NF1: variants seen among roughly 807,000 people sequenced by gnomAD.
The protein encoded by NF1 is neurofibromin 1.
A neutral mutation model predicts 325.7 loss-of-function variants in NF1; 122 were observed. The observed-to-expected ratio is 0.37, with a 90% CI of 0.32 to 0.44. The LOEUF (loss-of-function observed/expected upper bound fraction) is 0.44, where lower values mean the gene tolerates loss of function less well. NF1 is among the 20% of genes least tolerant of loss of function. NF1 has a pLI of 1.00. For synonymous variants in NF1, 1,091 were observed against 1,186.0 expected (o/e 0.92, Z 1.65); for missense variants, 2,140 against 3,415.4 (o/e 0.63, Z 9.31).
In NF1 at chr17:31,279,589, TA is replaced by T. The variant is rs774250064; in HGVS notation, c.4835+14266del. 7.4e-3 allele frequency among the ~76,000 whole-genome samples: 1,008 copies of T among 135,800 alleles called. 1 individual carries two copies. The highest frequency in any genetic ancestry group is 9.5e-3 in the African/African-American group (350 of 36,938). The allele number at this position is 135,800 out of a possible 152,430, so 89.1% of individuals were successfully genotyped here. A position where few individuals can be genotyped will look rare whatever the true frequency, so the allele number is the denominator to read the frequency against. On this transcript the variant is annotated intron_variant, in intron 36 of 57. Coordinates refer to ENST00000358273, the MANE Select transcript of NF1 (RefSeq NM_001042492.3). ...CAACAAAGGAGAATTCCAGCCTCTTTAAAAAAAAAAAAAAAAGGAAGAAACT... is the reference window on the plus strand; with the variant it reads ...CAACAAAGGAGAATTCCAGCCTCTTTAAAAAAAAAAAAAAAGGAAGAAACT...
In NF1 at chr17:31,249,001, G is replaced by A. The variant is rs1567858266; in HGVS notation, c.3992G>A (p.Ser1331Asn). The A allele has an allele frequency of 6.2e-7, 1 of 1,614,054 alleles. No individual in the cohort carries two copies. The highest frequency in any genetic ancestry group is 8.5e-7 in the Non-Finnish European group (1 of 1,179,994). ...TTTTGTAGGTTAGAACCATCAGAGA[G>A]CCTTGAGGAAAACCAGCGGAACCTC... ...VDPTRLEPSE[S>N]LEENQRNLLQ... The change falls in exon 30 of 58, where the codon AGC (serine) becomes AAC (asparagine). Residue 1331 changes from serine to asparagine, a missense_variant. By Grantham distance (46) the Ser-to-Asn change is conservative. Around this residue, in one of 10 missense-constraint regions of NF1, gnomAD observed 336 missense variants for 399.0 expected, o/e 0.84. Transcript: ENST00000358273.
intron 1 of NF1, among the ~76,000 whole-genome samples, chr17:31,127,115 C>T (rs1914948779): frequency 6.6e-6 from 1 of 152,076 alleles, no homozygotes; most frequent in African/African-American, 2.4e-5. Context: ...TATGCACAGG[C>T]TCAGTTTCTA....
At chr17:31,226,224 T>G (rs1341563875) in intron 17 of NF1, among the ~76,000 whole-genome samples, 1 of 152,116 alleles carries the variant, frequency 6.6e-6, no homozygotes, top group African/African-American at 2.4e-5. Context: ...TTGGTCCAGA[T>G]AATCTCATTT....
At chr17:31,264,620 G>A (rs1168640395) in intron 35 of NF1, among the ~76,000 whole-genome samples, 1 of 152,144 alleles carries the variant, frequency 6.6e-6, no homozygotes, top group Non-Finnish European at 1.5e-5. Flanking sequence ...AAAGGCTAAT[G>A]GATGTATGTT....
At chr17:31,280,263 C>T (rs969369130) in intron 36 of NF1, among the ~76,000 whole-genome samples, 3 of 150,602 alleles carry the variant, frequency 2.0e-5, no homozygotes, top group African/African-American at 7.3e-5. Context: ...CCTGTAATTG[C>T]AGCACTTTGG....
At position 31,235,613 on chromosome 17, in the gene NF1, T is replaced by G. The variant is rs876659917; in HGVS notation, c.3711T>G (p.Asp1237Glu). The G allele has an allele frequency of 6.2e-7, 1 of 1,614,074 alleles. No individual in the cohort carries two copies. Among genetic ancestry groups the G allele is most frequent in the Non-Finnish European group, 8.5e-7 (1 of 1,180,004 alleles). ...LANVVPCSQW[D>E]ELARVLVTLF... Reference sequence around the variant, plus strand: ...ACCTGATTTTGTTTTGTTCTCAGGATGAACTAGCTCGAGTTCTGGTTACTC... The same window carrying G: ...ACCTGATTTTGTTTTGTTCTCAGGAGGAACTAGCTCGAGTTCTGGTTACTC... The change falls in exon 28 of 58, where the codon GAT becomes GAG. Residue 1237 changes from aspartate (D) to glutamate (E), a missense_variant and splice_region_variant. Around this residue, in one of 10 missense-constraint regions of NF1, gnomAD observed 336 missense variants for 399.0 expected, o/e 0.84. Transcript: ENST00000358273.
chr17:31,142,370 C>G (rs1916281063), intron 1 of NF1, among the ~76,000 whole-genome samples: 1 of 152,070 alleles, frequency 6.6e-6, no homozygotes, highest in Non-Finnish European at 1.5e-5. Flanking sequence ...AAGAGAAACT[C>G]ATAAAAGTAA....
In NF1 at chr17:31,131,581, T is replaced by C. The variant is rs1236139686; in HGVS notation, c.61-24402T>C. Among the ~76,000 whole-genome samples the C allele has an allele frequency of 2.6e-5, 4 of 152,238 alleles. No individual in the cohort carries two copies. In the East Asian group the frequency reaches 7.7e-4, roughly 29 times the overall value. Reference sequence around the variant, plus strand: ...AGATGTTCCTACTGGCTGCAGCTAGTTGGCCATCTTGGAGCCCCCTCCCTG... The same window carrying C: ...AGATGTTCCTACTGGCTGCAGCTAGCTGGCCATCTTGGAGCCCCCTCCCTG... On this transcript the variant is annotated intron_variant, in intron 1 of 57. Transcript: ENST00000358273.
intron 14 of NF1, 44 bp downstream of exon 14, chr17:31,219,162 A>G (rs2066879544): frequency 6.4e-7 from 1 of 1,573,016 alleles, no homozygotes; most frequent in African/African-American, 1.3e-5. Flanking sequence ...AAAGATTGTA[A>G]CTATGTACAT....
At chr17:31,345,045 C>A (rs1245622404) in intron 48 of NF1, among the ~76,000 whole-genome samples, 1 of 152,168 alleles carries the variant, frequency 6.6e-6, no homozygotes, top group African/African-American at 2.4e-5. Context: ...ATCGCTTGAA[C>A]CTGGGAGGCA....
intron 36 of NF1, chr17:31,297,377 A>G (rs2068488748): frequency 1.3e-5 from 2 of 152,202 alleles, no homozygotes; most frequent in African/African-American, 4.8e-5. Flanking sequence ...AGAGGTGCAC[A>G]CGCAACAAAA....
At chr17:31,121,281 A>G (rs751086837) in intron 1 of NF1, among the ~76,000 whole-genome samples, 1 of 152,246 alleles carries the variant, frequency 6.6e-6, no homozygotes, top group South Asian at 2.1e-4. Context: ...ATTCTGCCAT[A>G]TAAGACCAGT....
rs377154427 is a variant in NF1 at position 31,283,426 on chromosome 17, A to AC, written c.4835+18087_4835+18088insC. Among the ~76,000 whole-genome samples, 1,098 of 149,824 alleles carry AC rather than the reference A, an allele frequency of 7.3e-3. 16 individuals are homozygous for AC. The highest frequency in any genetic ancestry group is 0.026 in the African/African-American group (1,052 of 40,358). On this transcript the variant is annotated intron_variant, in intron 36 of 57. Coordinates refer to ENST00000358273, the MANE Select transcript of NF1 (RefSeq NM_001042492.3). Reference sequence around the variant, plus strand: ...AGTGAGACTCCATCTCAAAAAAACAAACAAAAAAAAACACTAATTACCAGT... The same window carrying AC: ...AGTGAGACTCCATCTCAAAAAAACAACACAAAAAAAAACACTAATTACCAGT...
rs2151544379 is a variant in NF1, at chr17:31,330,291, C to T, written c.5610-5C>T. On this transcript the variant is annotated splice_region_variant and splice_polypyrimidine_tract_variant and intron_variant, in intron 38 of 57. Transcript: ENST00000358273. ...TAAAACAACTTCATTTGTGTTTTCT[C>T]CTAGGTCAGCTGCCTATAATCTTCT... 1 of 1,613,758 alleles carries T rather than the reference C, an allele frequency of 6.2e-7. No individual in the cohort carries two copies. The highest frequency in any genetic ancestry group is 8.5e-7 in the Non-Finnish European group (1 of 1,179,712).
rs2143915153 is a variant in NF1 at position 31,206,347 on chromosome 17, A to G, written c.1368A>G (p.Ala456=). 6.2e-7 allele frequency: 1 copy of G among 1,613,828 alleles called. No homozygotes were observed. The highest frequency in any genetic ancestry group is 8.5e-7 in the Non-Finnish European group (1 of 1,179,750). ...ATAAAGCAGTGCAAGGTTGTGGAGCACACCCAGCAATACGAATGGCACCGG... is the reference window on the plus strand; with the variant it reads ...ATAAAGCAGTGCAAGGTTGTGGAGCGCACCCAGCAATACGAATGGCACCGG... ...TLHKAVQGCG[A]HPAIRMAPSL... Residue 456 remains alanine, a synonymous_variant, in exon 12 of 58, where the codon GCA becomes GCG. Coordinates refer to ENST00000358273, the MANE Select transcript of NF1 (RefSeq NM_001042492.3).
In NF1 at chr17:31,144,715, A is replaced by G. The variant is rs547679852; in HGVS notation, c.61-11268A>G. 4.6e-5 allele frequency among the ~76,000 whole-genome samples: 7 copies of G among 152,278 alleles called. No individual in the cohort carries two copies. The East Asian group carries it at 1.4e-3, about 29-fold the overall frequency. On this transcript the variant is annotated intron_variant, in intron 1 of 57. Transcript: ENST00000358273. ...GAGTAGTCCCATTTTTTACATGACA[A>G]CTGGCTTCTAGGAAGAGGGAAATAA...
intron 4 of NF1, among the ~76,000 whole-genome samples, chr17:31,166,386 A>G (rs2065844956): frequency 6.6e-6 from 1 of 152,036 alleles, no homozygotes; most frequent in Non-Finnish European, 1.5e-5. Context: ...GAATTGTTTC[A>G]TCTCAGTTTT....
chr17:31,358,721 T>C, intron 55 of NF1, 99 bp downstream of exon 55: 2 of 1,464,894 alleles, frequency 1.4e-6, no homozygotes, highest in Non-Finnish European at 1.9e-6. Flanking sequence ...AGGGATAGAC[T>C]TGTTCATACT....
chr17:31,218,934 A>C, intron 13 of NF1, 71 bp from the exon 14 acceptor site: 723 of 1,289,338 alleles, frequency 5.6e-4, no homozygotes, highest in Non-Finnish European at 7.1e-4. Context: ...GTCACTGTCT[A>C]TTTCTTCCTC....
Sources: gnomAD v4.1 joint callset for allele counts (sites outside exome capture counted in the v4.1 genomes callset) on GRCh38, gnomAD v4.1.1 for gene constraint, gnomAD v4.1.1 regional missense constraint, MANE v1.5 for transcripts, NCBI Gene and HGNC (gene_info 2026-07-23, HGNC 2026-07-21) for gene names.